The following VPS45 variants were observed in gnomAD, a reference collection of about 807,000 sequenced individuals.
The protein encoded by VPS45 is vacuolar protein sorting 45 homolog.
VPS45 carries 35 observed loss-of-function variants against 75.9 expected under a neutral mutation model. The ratio of observed to expected loss-of-function variants is 0.46; its 90% CI spans 0.35 to 0.61. The LOEUF (loss-of-function observed/expected upper bound fraction) is 0.61. Ranked by LOEUF, VPS45 falls within the 20% of genes least tolerant of loss-of-function variation. The pLI is 0.00. For missense variants in VPS45, 559 were observed against 685.9 expected (o/e 0.81, Z 2.07); for synonymous variants, 220 against 238.2 (o/e 0.92, Z 0.70).
chr1:150,115,873 AAC>A (rs1372036487), intron 14 of VPS45, among the ~76,000 whole-genome samples: 1 of 152,164 alleles, frequency 6.6e-6, no homozygotes, highest in Non-Finnish European at 1.5e-5. Flanking sequence ...TGGCTACTAA[AAC>A]ACAGTGCCCT....
chr1:150,119,026 G>A (rs1331867155), intron 14 of VPS45, among the ~76,000 whole-genome samples: 1 of 152,128 alleles, frequency 6.6e-6, no homozygotes, highest in Non-Finnish European at 1.5e-5. Context: ...GTTTACTTTT[G>A]TAAATAGATA....
intron 14 of VPS45, among the ~76,000 whole-genome samples, chr1:150,121,554 A>G (rs782457329): frequency 1.2e-4 from 18 of 152,208 alleles, no homozygotes; most frequent in Non-Finnish European, 2.6e-4. Flanking sequence ...TTGTCTCATT[A>G]GTTGTATTAG....
At chr1:150,077,299 C>T (rs967947111) in intron 6 of VPS45, 68 bp downstream of exon 6, 2 of 1,544,046 alleles carry the variant, frequency 1.3e-6, no homozygotes, top group Middle Eastern at 1.7e-4. Context: ...ATTTCAGAAA[C>T]TAAAGGAATA....
chr1:150,110,490 T>C lies in VPS45; in HGVS notation c.1494-6T>C, dbSNP rs1657588088. 3 of 1,609,840 alleles carry C rather than the reference T, an allele frequency of 1.9e-6. No individual in the cohort carries two copies. The highest frequency in any genetic ancestry group is 1.7e-6 in the Non-Finnish European group (2 of 1,177,362). On this transcript the variant is annotated splice_region_variant and splice_polypyrimidine_tract_variant and intron_variant, in intron 13 of 14. Transcript: ENST00000644510. ...TGTGATAATATCTCATTCTTCATTA[T>C]TGCAGACCTCAGGATATCATTGTGT...
chr1:150,130,026 C>T (rs1658742702), intron 14 of VPS45, among the ~76,000 whole-genome samples: 1 of 151,578 alleles, frequency 6.6e-6, no homozygotes, highest in Non-Finnish European at 1.5e-5. Context: ...TCTGTCTAAT[C>T]TATCTATCTA....
At chr1:150,141,979 TTTG>T (rs1659412606) in intron 14 of VPS45, among the ~76,000 whole-genome samples, 1 of 152,250 alleles carries the variant, frequency 6.6e-6, no homozygotes, top group Non-Finnish European at 1.5e-5. Context: ...AATTATTCTT[TTTG>T]TTTTGTTTTT....
intron 13 of VPS45, 41 bp downstream of exon 13, chr1:150,093,689 T>C: frequency 6.3e-7 from 1 of 1,588,864 alleles, no homozygotes; most frequent in Non-Finnish European, 8.6e-7. Context: ...CCAGAAATAC[T>C]GAACAAACAG....
At chr1:150,099,111 C>T in intron 13 of VPS45, 1 of 1,001,304 alleles carries the variant, frequency 1.0e-6, no homozygotes, top group Non-Finnish European at 1.2e-6. Flanking sequence ...CAATTTTAGC[C>T]ATAAGTGTAA....
intron 13 of VPS45, chr1:150,109,895 C>T (rs1419977823): frequency 6.6e-6 from 1 of 151,954 alleles, no homozygotes; most frequent in African/African-American, 2.4e-5. Context: ...TCAAAGGATT[C>T]AGAAAAAAGA....
chr1:150,089,887 T>C (rs112184168), intron 10 of VPS45, among the ~76,000 whole-genome samples: 2,475 of 152,248 alleles, frequency 0.016, 63 homozygotes, highest in African/African-American at 0.054. Context: ...GAGAAGTTTC[T>C]CCCTTTTTGA....
At chr1:150,123,292 C>T (rs1052977477) in intron 14 of VPS45, among the ~76,000 whole-genome samples, 17 of 151,982 alleles carry the variant, frequency 1.1e-4, no homozygotes, top group African/African-American at 4.1e-4. Flanking sequence ...AGGATGTTTC[C>T]ATCCTTTGGC....
intron 2 of VPS45, 101 bp downstream of exon 2, chr1:150,068,865 G>A: frequency 8.0e-7 from 1 of 1,248,270 alleles, no homozygotes; most frequent in Non-Finnish European, 1.1e-6. Context: ...CATAATTTGT[G>A]GCATCATAAT....
At chr1:150,110,679 G>A in intron 14 of VPS45, 52 bp downstream of exon 14, 1 of 1,511,924 alleles carries the variant, frequency 6.6e-7, no homozygotes, top group Non-Finnish European at 8.9e-7. Context: ...AGAGGATAAA[G>A]CTTAAATTCC....
chr1:150,139,886 T>TTTGTTG (rs752651196), intron 14 of VPS45, among the ~76,000 whole-genome samples: 1 of 150,666 alleles, frequency 6.6e-6, no homozygotes, highest in Non-Finnish European at 1.5e-5. Flanking sequence ...TTATTTTATT[T>TTTGTTG]TTGTTGTTGT....
Position 150,081,933 on chromosome 1 carries a change from T to C in VPS45, c.872T>C (p.Met291Thr), listed in dbSNP as rs782789330. ...AEIGSNIKNL[M>T]EDFQKKKPKE... ...ATTGGTAGCAATATAAAGAATCTCA[T>C]GGAAGATTTTCAGAAGAAGAAACCA... is the stretch of plus-strand genomic sequence containing the variant. The change falls in exon 9 of 15, where the codon ATG becomes ACG. Residue 291 changes from methionine (M) to threonine (T), a missense_variant. Physicochemically the swap from Met to Thr is moderately conservative, Grantham distance 81. Transcript: ENST00000644510. 1.2e-6 allele frequency: 2 copies of C among 1,613,606 alleles called. No individual in the cohort carries two copies. Among genetic ancestry groups the C allele is most frequent in the South Asian group, 2.2e-5 (2 of 90,994 alleles).
intron 7 of VPS45, among the ~76,000 whole-genome samples, chr1:150,078,028 T>C (rs1456599411): frequency 1.3e-5 from 2 of 152,194 alleles, no homozygotes; most frequent in Non-Finnish European, 2.9e-5. Flanking sequence ...GCTTCTTAAT[T>C]CTGTAGATTC....
chr1:150,110,567 A>G lies in VPS45; in HGVS notation c.1565A>G (p.Asn522Ser), dbSNP rs1657592397. 6.2e-7 allele frequency: 1 copy of G among 1,613,990 alleles called. No individual in the cohort carries two copies. Among genetic ancestry groups the G allele is most frequent in the African/African-American group, 1.3e-5 (1 of 75,034 alleles). Residue 522 changes from asparagine (N) to serine (S), a missense_variant, in exon 14 of 15, where the codon AAC (asparagine) becomes AGC (serine). By Grantham distance (46) the Asn-to-Ser change is conservative. Coordinates refer to ENST00000644510, the MANE Select transcript of VPS45 (RefSeq NM_007259.5). Reference sequence around the variant, plus strand: ...GAGGCTCTAACAGTTTATAACCTGAACCGCACCACTCCTGGAGTGAGGATT... The same window carrying G: ...GAGGCTCTAACAGTTTATAACCTGAGCCGCACCACTCCTGGAGTGAGGATT... ...YEEALTVYNLNRTTPGVRIVL... is the reference protein window; with the variant it reads ...YEEALTVYNLSRTTPGVRIVL...
At chr1:150,098,996 G>A (rs904281278) in intron 13 of VPS45, 1 of 1,108,862 alleles carries the variant, frequency 9.0e-7, no homozygotes, top group African/African-American at 1.7e-5. Context: ...TGTTGCTACA[G>A]CTTATTTTTT....
intron 1 of VPS45, 126 bp downstream of exon 1, chr1:150,068,076 T>C (rs1553796237): frequency 9.9e-7 from 1 of 1,012,348 alleles, no homozygotes; most frequent in East Asian, 2.6e-5. Context: ...TGTGTGGAAT[T>C]GAAAAGTTGT....
Sources: gnomAD v4.1 joint callset for allele counts (sites outside exome capture counted in the v4.1 genomes callset) on GRCh38, gnomAD v4.1.1 for gene constraint, MANE v1.5 for transcripts, NCBI Gene and HGNC (gene_info 2026-07-23, HGNC 2026-07-21) for gene names.